PRKCZ: variants seen among roughly 807,000 people sequenced by gnomAD.
The protein encoded by PRKCZ is protein kinase C zeta.
Under a neutral mutation model 79.5 loss-of-function variants are expected in PRKCZ, and 33 were observed. The observed-to-expected ratio is 0.41, with a 90% CI of 0.31 to 0.55. The LOEUF is 0.55. Ranked by LOEUF, PRKCZ falls within the 20% of genes least tolerant of loss-of-function variation. The pLI, the probability that PRKCZ is intolerant of heterozygous loss-of-function variation, is 0.19. For missense variants in PRKCZ, 578 were observed against 813.5 expected, an observed-to-expected ratio of 0.71 and a Z score of 3.52; for synonymous variants, 342 against 320.9, an observed-to-expected ratio of 1.07 and a Z score of -0.70.
chr1:2,175,454 AATTC>A (rs1685283281), intron 16 of PRKCZ, 141 bp downstream of exon 16: 2 of 632,714 alleles, frequency 3.2e-6, no homozygotes, highest in Non-Finnish European at 2.6e-6. Context: ...CCCAACCCCA[AATTC>A]ATCCAACCCT....
intron 5 of PRKCZ, among the ~76,000 whole-genome samples, chr1:2,138,248 T>G (rs1051313910): frequency 6.6e-6 from 1 of 152,220 alleles, no homozygotes; most frequent in Non-Finnish European, 1.5e-5. Context: ...GAAGCGAGGA[T>G]GAAAGAGTGG....
intron 4 of PRKCZ, among the ~76,000 whole-genome samples, chr1:2,070,299 C>T (rs544907155): frequency 3.9e-5 from 6 of 152,176 alleles, no homozygotes; most frequent in Non-Finnish European, 8.8e-5. Context: ...CCCCACCCCA[C>T]TGTAGCCCAT....
At chr1:2,076,317 G>A (rs1345433245) in intron 4 of PRKCZ, among the ~76,000 whole-genome samples, 2 of 152,086 alleles carry the variant, frequency 1.3e-5, no homozygotes, top group South Asian at 2.1e-4. Flanking sequence ...TGGAACGTGC[G>A]GCCACTGCTC....
Position 2,185,096 on chromosome 1 carries a change from G to A in PRKCZ, c.*87G>A, listed in dbSNP as rs750400648. 95 of 1,301,592 alleles carry A rather than the reference G, an allele frequency of 7.3e-5. No homozygotes were observed. Among genetic ancestry groups the A allele is most frequent in the Middle Eastern group, 1.8e-4 (1 of 5,494 alleles). 80.6% of individuals were successfully genotyped at this position (1,301,592 alleles called of 1,614,324 possible). On this transcript the variant is annotated 3_prime_UTR_variant, in exon 18 of 18. Coordinates refer to ENST00000378567, the MANE Select transcript of PRKCZ (RefSeq NM_002744.6). ...CGCATATGCATGCCAGGCTGGGCAC[G>A]GCTCCGAGGGCGGCCAGGGACAGAC... is the stretch of plus-strand genomic sequence containing the variant.
At chr1:2,059,850 C>T (rs1042800738) in intron 4 of PRKCZ, among the ~76,000 whole-genome samples, 2 of 152,116 alleles carry the variant, frequency 1.3e-5, no homozygotes, top group African/African-American at 4.8e-5. Flanking sequence ...CCTGCCGTCT[C>T]CCTAGGAGGG....
At chr1:2,115,201 TG>T (rs1191157213) in intron 4 of PRKCZ, among the ~76,000 whole-genome samples, 7 of 152,270 alleles carry the variant, frequency 4.6e-5, no homozygotes, top group Non-Finnish European at 1.0e-4. Flanking sequence ...TCCCGTGGTG[TG>T]GGGTGCGGTT....
At chr1:2,184,461 A>T in intron 16 of PRKCZ, 122 bp from the exon 17 acceptor site, 1 of 676,850 alleles carries the variant, frequency 1.5e-6, no homozygotes, top group Non-Finnish European at 2.5e-6. Context: ...GTCAAATACT[A>T]GGCAGATTGA....
intron 10 of PRKCZ, among the ~76,000 whole-genome samples, chr1:2,167,109 C>T (rs951268216): frequency 9.2e-5 from 14 of 152,112 alleles, no homozygotes; most frequent in African/African-American, 3.4e-4. Flanking sequence ...TTTCTGTAGA[C>T]AAAAAAACCC....
chr1:2,104,780 C>A (rs1278430270), intron 4 of PRKCZ: 4 of 985,948 alleles, frequency 4.1e-6, no homozygotes, highest in Non-Finnish European at 4.8e-6. Context: ...CACTGCTGCC[C>A]CCCGGGGCCG....
chr1:2,061,495 C>T (rs997692248), intron 4 of PRKCZ, among the ~76,000 whole-genome samples: 2 of 152,124 alleles, frequency 1.3e-5, no homozygotes, highest in Non-Finnish European at 2.9e-5. Flanking sequence ...GTGGGGAATG[C>T]GGAGAATGTG....
At chr1:2,176,717 T>A (rs1259116769) in intron 16 of PRKCZ, among the ~76,000 whole-genome samples, 1 of 152,184 alleles carries the variant, frequency 6.6e-6, no homozygotes, top group Admixed American at 6.5e-5. Flanking sequence ...CCCTGGCCCC[T>A]GTGGTCAGTG....
rs189453468 is a variant in PRKCZ at position 2,053,310 on chromosome 1, A to G, written c.72-2131A>G. ...GAGATGAGGTTTCACTTTGTTGGCC[A>G]GGCTGGTCTCGAACTTCTGACCTCG... On this transcript the variant is annotated intron_variant, in intron 1 of 17. Transcript: ENST00000378567. Among the ~76,000 whole-genome samples, 3 of 152,234 alleles carry G rather than the reference A, an allele frequency of 2.0e-5. No homozygotes were observed. The East Asian group carries it at 5.8e-4, about 29-fold the overall frequency.
chr1:2,054,994 C>G (rs892827016), intron 1 of PRKCZ, among the ~76,000 whole-genome samples: 2 of 149,720 alleles, frequency 1.3e-5, no homozygotes, highest in African/African-American at 4.9e-5. Flanking sequence ...CCAGGCTGGA[C>G]TGCAGTGGCG....
intron 10 of PRKCZ, chr1:2,169,200 C>G (rs763002472): frequency 6.3e-6 from 3 of 474,348 alleles, no homozygotes; most frequent in South Asian, 4.6e-5. Context: ...CAAGCCACCT[C>G]CACTCCCACC....
chr1:2,112,378 C>G (rs915168929), intron 4 of PRKCZ, among the ~76,000 whole-genome samples: 1 of 152,210 alleles, frequency 6.6e-6, no homozygotes, highest in Non-Finnish European at 1.5e-5. Context: ...GAACCTCTGA[C>G]GTGCTCCATT....
chr1:2,146,005 C>T (rs374927031), intron 6 of PRKCZ, 22 bp from the exon 7 acceptor site: 3 of 1,592,198 alleles, frequency 1.9e-6, no homozygotes, highest in African/African-American at 2.7e-5. Flanking sequence ...GTCATGCTGC[C>T]ATCTCTGTGT....
At chr1:2,085,625 G>A (rs1294901511) in intron 4 of PRKCZ, among the ~76,000 whole-genome samples, 3 of 151,122 alleles carry the variant, frequency 2.0e-5, no homozygotes, top group South Asian at 2.1e-4. Context: ...GTGAGGCACC[G>A]TGCTGGAGGG....
At chr1:2,081,156 C>T (rs1557514301) in intron 4 of PRKCZ, among the ~76,000 whole-genome samples, 1 of 152,374 alleles carries the variant, frequency 6.6e-6, no homozygotes, top group East Asian at 1.9e-4. Context: ...TCAAGTTTTG[C>T]ACGGGACTTG....
chr1:2,050,174 G>A (rs1356746535), upstream of PRKCZ: 1 of 152,138 alleles, frequency 6.6e-6, no homozygotes, highest in African/African-American at 2.4e-5. Flanking sequence ...CCGGTTGCCG[G>A]GCAGAGCCGC....
Sources: gnomAD v4.1 joint callset for allele counts (sites outside exome capture counted in the v4.1 genomes callset) on GRCh38, gnomAD v4.1.1 for gene constraint, MANE v1.5 for transcripts, NCBI Gene and HGNC (gene_info 2026-07-23, HGNC 2026-07-21) for gene names.